Variants in SPECC1 observed in about 807,000 individuals in gnomAD.
The protein encoded by SPECC1 is cytospin-B.
SPECC1 carries 62 observed loss-of-function variants against 104.1 expected under a neutral mutation model. The observed-to-expected ratio is 0.60, with a 90% CI of 0.49 to 0.74. SPECC1 has a LOEUF of 0.74. Among genes scored for constraint, SPECC1 ranks in the 30% least tolerant of loss-of-function variants. The pLI is 0.00. For synonymous variants in SPECC1, 513 were observed against 501.6 expected, an observed-to-expected ratio of 1.02 and a Z score of -0.30; for missense variants, 1,306 against 1,310.5, an observed-to-expected ratio of 1.00 and a Z score of 0.05.
intron 3 of SPECC1, among the ~76,000 whole-genome samples, chr17:20,170,144 G>C (rs2033975487): frequency 6.6e-6 from 1 of 152,196 alleles, no homozygotes; most frequent in Non-Finnish European, 1.5e-5. Flanking sequence ...TGCTTAGCCA[G>C]GATGTGTGTT....
At chr17:20,057,908 A>C (rs1234790526) in intron 1 of SPECC1, 3 of 152,176 alleles carry the variant, frequency 2.0e-5, no homozygotes, top group East Asian at 1.9e-4. Flanking sequence ...GTAGTTTTTA[A>C]ATATGCCAAT....
chr17:20,097,631 G>C (rs1414294261), intron 2 of SPECC1, among the ~76,000 whole-genome samples: 1 of 152,196 alleles, frequency 6.6e-6, no homozygotes, highest in African/African-American at 2.4e-5. Flanking sequence ...GACACTCTTG[G>C]TGAAGTTCTG....
rs552648056 is a variant in SPECC1 at position 20,135,442 on chromosome 17, A to G, written c.283+24880A>G. Among the ~76,000 whole-genome samples the G allele has an allele frequency of 2.0e-5, 3 of 152,286 alleles. No homozygotes were observed. In the East Asian group the frequency reaches 5.8e-4, roughly 29 times the overall value. The stretch of plus-strand genomic sequence containing the variant: ...AACATTAAGCCAAGAAGTTTGCAAT[A>G]AAATCAAATTTGTTTATGTATTCAT... On this transcript the variant is annotated intron_variant, in intron 3 of 14. Transcript: ENST00000395527.
At chr17:20,135,280 C>G (rs1262116040) in intron 3 of SPECC1, among the ~76,000 whole-genome samples, 4 of 152,186 alleles carry the variant, frequency 2.6e-5, no homozygotes, top group African/African-American at 4.8e-5. Context: ...ACTCTTGATA[C>G]TTCCCTCTTC....
chr17:20,175,651 C>A (rs2189710), intron 3 of SPECC1, among the ~76,000 whole-genome samples: 107,765 of 152,172 alleles, frequency 0.71, 39,961 homozygotes, highest in East Asian at 0.99. Flanking sequence ...TTTCTTTAAA[C>A]ATCTTACTGA....
chr17:20,038,962 A>G (rs565277269), intron 1 of SPECC1, among the ~76,000 whole-genome samples: 70 of 152,304 alleles, frequency 4.6e-4, no homozygotes, highest in South Asian at 1.9e-3. Flanking sequence ...TCCACATACC[A>G]TATGTTTCAC....
At chr17:20,123,855 G>A (rs1460947648) in intron 3 of SPECC1, among the ~76,000 whole-genome samples, 1 of 152,208 alleles carries the variant, frequency 6.6e-6, no homozygotes, top group Non-Finnish European at 1.5e-5. Context: ...ACAGCCCTAT[G>A]AAATAGTATC....
At chr17:20,159,437 C>T (rs2032929365) in intron 3 of SPECC1, among the ~76,000 whole-genome samples, 1 of 152,224 alleles carries the variant, frequency 6.6e-6, no homozygotes, top group Non-Finnish European at 1.5e-5. Context: ...GTTGCTTGGA[C>T]AGGGAGAGTC....
intron 3 of SPECC1, among the ~76,000 whole-genome samples, chr17:20,174,613 C>G (rs576435802): frequency 6.6e-6 from 1 of 152,158 alleles, no homozygotes; most frequent in East Asian, 1.9e-4. Flanking sequence ...TCTCTCCCCC[C>G]CATCAGTCTT....
chr17:20,261,840 CTG>C (rs2040036347), intron 12 of SPECC1, among the ~76,000 whole-genome samples: 1 of 152,184 alleles, frequency 6.6e-6, no homozygotes, highest in Admixed American at 6.5e-5. Flanking sequence ...ATTTCTTGAA[CTG>C]TGAGGAAGTG....
chr17:20,092,895 A>ACCAGGT (rs1375117629), intron 1 of SPECC1, among the ~76,000 whole-genome samples: 1 of 152,224 alleles, frequency 6.6e-6, no homozygotes, highest in African/African-American at 2.4e-5. Context: ...TTTGATCTAT[A>ACCAGGT]GCCTTGGTGC....
In SPECC1 at chr17:20,070,071, T is replaced by C. The variant is rs1410170953; in HGVS notation, c.-21-26560T>C. Among the ~76,000 whole-genome samples, 4 of 152,292 alleles carry C rather than the reference T, an allele frequency of 2.6e-5. No individual in the cohort carries two copies. In the South Asian group the frequency reaches 8.3e-4, roughly 32 times the overall value. The stretch of plus-strand genomic sequence containing the variant: ...ATGTCATCTGTGATTAGAGATAGTT[T>C]TACTTTCTTACCAATCTGGATGCAT... On this transcript the variant is annotated intron_variant, in intron 1 of 14. Coordinates refer to ENST00000395527, the MANE Select transcript of SPECC1 (RefSeq NM_001243439.2).
At chr17:20,200,473 A>G (rs61661067) in intron 3 of SPECC1, among the ~76,000 whole-genome samples, 2,426 of 152,318 alleles carry the variant, frequency 0.016, 46 homozygotes, top group African/African-American at 0.054. Flanking sequence ...AGGATGGTAC[A>G]CATAAGTGAT....
chr17:20,145,781 CAGGA>C (rs903325859), intron 3 of SPECC1, among the ~76,000 whole-genome samples: 2 of 152,066 alleles, frequency 1.3e-5, no homozygotes, highest in African/African-American at 4.8e-5. Context: ...CCCTGGCAGG[CAGGA>C]AGGAAGGAAG....
intron 9 of SPECC1, among the ~76,000 whole-genome samples, chr17:20,249,003 TC>T (rs778141155): frequency 2.6e-5 from 4 of 152,186 alleles, no homozygotes; most frequent in Non-Finnish European, 5.9e-5. Context: ...TAGATATTCT[TC>T]CCCTATCTTA....
intron 1 of SPECC1, among the ~76,000 whole-genome samples, chr17:20,052,769 G>T (rs1248621093): frequency 6.6e-6 from 1 of 152,210 alleles, no homozygotes; most frequent in African/African-American, 2.4e-5. Flanking sequence ...ATGCCAGAAT[G>T]CTGAAACCTG....
intron 3 of SPECC1, among the ~76,000 whole-genome samples, chr17:20,186,565 G>T (rs919764677): frequency 6.6e-6 from 1 of 152,188 alleles, no homozygotes; most frequent in Non-Finnish European, 1.5e-5. Context: ...ATTTTTGTAT[G>T]TATGTATCTG....
At chr17:20,268,354 A>T (rs995488840) in intron 12 of SPECC1, among the ~76,000 whole-genome samples, 1 of 152,218 alleles carries the variant, frequency 6.6e-6, no homozygotes, top group Non-Finnish European at 1.5e-5. Context: ...ATCTGGAAAG[A>T]ACACCCATGT....
At chr17:20,154,833 A>C (rs926678218) in intron 3 of SPECC1, among the ~76,000 whole-genome samples, 5 of 152,132 alleles carry the variant, frequency 3.3e-5, no homozygotes, top group Non-Finnish European at 1.5e-5. Flanking sequence ...GCTGAGATGT[A>C]GGGCTATTTA....
Sources: gnomAD v4.1 joint callset for allele counts (sites outside exome capture counted in the v4.1 genomes callset) on GRCh38, gnomAD v4.1.1 for gene constraint, MANE v1.5 for transcripts, NCBI Gene and HGNC (gene_info 2026-07-23, HGNC 2026-07-21) for gene names.